Variants in BLM observed in about 807,000 individuals in gnomAD.
The protein encoded by BLM is BLM RecQ like helicase, also known as recQ-like DNA helicase BLM.
A neutral mutation model predicts 135.3 loss-of-function variants in BLM; 95 were observed. That is an observed-to-expected ratio of 0.70 (90% CI 0.59 to 0.83). The LOEUF (loss-of-function observed/expected upper bound fraction) is 0.83, where lower values mean the gene tolerates loss of function less well. Ranked by LOEUF, BLM falls within the 40% of genes least tolerant of loss-of-function variation. The probability of loss-of-function intolerance (pLI) is 0.00; values close to 1 mark genes in which losing one functional copy is unlikely to be tolerated. For synonymous variants in BLM, 520 were observed against 589.2 expected (o/e 0.88, Z 1.70); for missense variants, 1,518 against 1,663.9 (o/e 0.91, Z 1.53).
intron 1 of BLM, among the ~76,000 whole-genome samples, chr15:90,741,621 G>C (rs1358174313): frequency 1.3e-5 from 2 of 151,618 alleles, no homozygotes; most frequent in African/African-American, 2.4e-5. Flanking sequence ...AACTATGAAG[G>C]GTCTGAGATT....
In BLM at chr15:90,762,593, A is replaced by G. The variant is rs55917230; in HGVS notation, c.1883-373A>G. ...CCAAAAAAGAATGTCTACAGAGCCCAGTCCCAAATATCTGAAAGACTCCCT... is the reference window on the plus strand; with the variant it reads ...CCAAAAAAGAATGTCTACAGAGCCCGGTCCCAAATATCTGAAAGACTCCCT... On this transcript the variant is annotated intron_variant, in intron 7 of 21. Transcript: ENST00000355112. 4.6e-5 allele frequency among the ~76,000 whole-genome samples: 7 copies of G among 152,280 alleles called. No individual in the cohort carries two copies. In the East Asian group the frequency reaches 1.3e-3, roughly 29 times the overall value.
intron 3 of BLM, among the ~76,000 whole-genome samples, chr15:90,750,834 A>G (rs1895662301): frequency 6.6e-6 from 1 of 152,206 alleles, no homozygotes; most frequent in African/African-American, 2.4e-5. Context: ...TATGTATAGG[A>G]AAACACATAG....
Position 90,762,960 on chromosome 15 carries a change from T to C in BLM, c.1883-6T>C, listed in dbSNP as rs1596232042. The stretch of plus-strand genomic sequence containing the variant: ...TGATTTTTCTTAACGTTGATTATTT[T>C]CCTAGACAAGTCAGCACAAAATTTA... On this transcript the variant is annotated splice_polypyrimidine_tract_variant and splice_region_variant and intron_variant, in intron 7 of 21. Coordinates refer to ENST00000355112, the MANE Select transcript of BLM (RefSeq NM_000057.4). 6.2e-6 allele frequency: 10 copies of C among 1,612,532 alleles called. No homozygotes were observed. The highest frequency in any genetic ancestry group is 8.5e-6 in the Non-Finnish European group (10 of 1,179,250).
At chr15:90,745,642 C>T (rs964580544) in intron 1 of BLM, among the ~76,000 whole-genome samples, 1 of 152,168 alleles carries the variant, frequency 6.6e-6, no homozygotes, top group Non-Finnish European at 1.5e-5. Context: ...AACTCCTGGG[C>T]TCAAGCGATC....
rs74037394 is a variant in BLM at position 90,788,390 on chromosome 15, A to G, written c.2824-2259A>G. 2.9e-3 allele frequency among the ~76,000 whole-genome samples: 437 copies of G among 151,816 alleles called. 2 individuals carry two copies. Among genetic ancestry groups the G allele is most frequent in the African/African-American group, 9.9e-3 (409 of 41,380 alleles). ...AGATATGCAAAAAGTTTAGAAATAC[A>G]TCACTCATTTGTCTTCACTGAAATA... is the stretch of plus-strand genomic sequence containing the variant. On this transcript the variant is annotated intron_variant, in intron 14 of 21. Transcript: ENST00000355112.
Position 90,798,266 on chromosome 15 carries a change from G to T in BLM, c.3287G>T (p.Gly1096Val), listed in dbSNP as rs893352310. 3 of 1,612,038 alleles carry T rather than the reference G, an allele frequency of 1.9e-6. No individual in the cohort carries two copies. Among genetic ancestry groups the T allele is most frequent in the Admixed American group, 1.7e-5 (1 of 59,896 alleles). The change falls in exon 17 of 22, where the codon GGA (glycine) becomes GTA (valine). Residue 1096 changes from glycine (G) to valine (V), a missense_variant. Gly to Val is a moderately radical substitution (Grantham distance 109). Transcript: ENST00000355112. ...GTTCAAGAACATAGTTCATCACAAGGAATGAGAAATATAAAACATGTAGGT... is the reference window on the plus strand; with the variant it reads ...GTTCAAGAACATAGTTCATCACAAGTAATGAGAAATATAAAACATGTAGGT... ...RFVQEHSSSQGMRNIKHVGPS... is the reference protein window; with the variant it reads ...RFVQEHSSSQVMRNIKHVGPS...
At position 90,742,555 on chromosome 15, in the gene BLM, A is replaced by G. The variant is rs1055646920; in HGVS notation, c.-4-4834A>G. Among the ~76,000 whole-genome samples the G allele has an allele frequency of 1.3e-5, 2 of 149,234 alleles. 1 individual carries two copies. The highest frequency in any genetic ancestry group is 4.2e-4 in the South Asian group (2 of 4,730). On this transcript the variant is annotated intron_variant, in intron 1 of 21. Coordinates refer to ENST00000355112, the MANE Select transcript of BLM (RefSeq NM_000057.4). Reference sequence around the variant, plus strand: ...GTGTCACTTATTTCAAAGAAAAGGCACTCTTTTTTTCTGCTGTGTTTTTCT... The same window carrying G: ...GTGTCACTTATTTCAAAGAAAAGGCGCTCTTTTTTTCTGCTGTGTTTTTCT...
intron 13 of BLM, among the ~76,000 whole-genome samples, chr15:90,784,254 T>C (rs1219520428): frequency 6.6e-6 from 1 of 151,810 alleles, no homozygotes; most frequent in Non-Finnish European, 1.5e-5. Flanking sequence ...AGAAACTGAG[T>C]CAAAGGTATT....
intron 2 of BLM, among the ~76,000 whole-genome samples, chr15:90,748,212 G>A (rs1895560448): frequency 6.8e-6 from 1 of 146,958 alleles, no homozygotes; most frequent in Non-Finnish European, 1.5e-5. Flanking sequence ...GGGTTCAAGT[G>A]ATTCTCCTGC....
chr15:90,807,559 T>C (rs1396682597), intron 19 of BLM, among the ~76,000 whole-genome samples: 1 of 152,078 alleles, frequency 6.6e-6, no homozygotes, highest in Non-Finnish European at 1.5e-5. Context: ...ACCACCATGC[T>C]TGGCTAGCTT....
rs1444338168 is a variant in BLM at position 90,798,320 on chromosome 15, T to C, written c.3341T>C (p.Leu1114Pro). ...TCTGGAAGATTTACTATGAATATGCTGGTCGACATTTTCTTGGGTAAGTCA... is the reference window on the plus strand; with the variant it reads ...TCTGGAAGATTTACTATGAATATGCCGGTCGACATTTTCTTGGGTAAGTCA... The part of the protein sequence containing the change: ...GPSGRFTMNM[L>P]VDIFLGSKSA... Residue 1114 changes from leucine to proline, a missense_variant, in exon 17 of 22, where the codon CTG (leucine) becomes CCG (proline). Physicochemically the swap from Leu to Pro is moderately conservative, Grantham distance 98. Coordinates refer to ENST00000355112, the MANE Select transcript of BLM (RefSeq NM_000057.4). 10 of 1,613,182 alleles carry C rather than the reference T, an allele frequency of 6.2e-6. No individual in the cohort carries two copies. Among genetic ancestry groups the C allele is most frequent in the Non-Finnish European group, 8.5e-6 (10 of 1,179,586 alleles).
intron 12 of BLM, among the ~76,000 whole-genome samples, chr15:90,780,205 C>T (rs2151176168): frequency 6.6e-6 from 1 of 152,052 alleles, no homozygotes; most frequent in East Asian, 1.9e-4. Flanking sequence ...CTGCCTCAGC[C>T]TCCTGAGTAG....
chr15:90,760,534 T>C, intron 6 of BLM, 60 bp from the exon 7 acceptor site: 2 of 1,502,822 alleles, frequency 1.3e-6, no homozygotes, highest in Non-Finnish European at 9.1e-7. Context: ...AGATTTGCTT[T>C]TGTGGCCTAC....
intron 19 of BLM, chr15:90,808,643 G>A (rs1232012690): frequency 5.0e-6 from 1 of 200,734 alleles, no homozygotes; most frequent in African/African-American, 2.3e-5. Context: ...AACCCACATG[G>A]GGAAAGAGTG....
At chr15:90,755,310 T>C (rs1004573442) in intron 5 of BLM, 12 of 241,280 alleles carry the variant, frequency 5.0e-5, no homozygotes, top group Admixed American at 4.2e-4. Context: ...CTCATCATAA[T>C]AGAGTTTCCC....
chr15:90,792,945 G>T (rs1896940666), intron 15 of BLM, among the ~76,000 whole-genome samples: 1 of 150,570 alleles, frequency 6.6e-6, no homozygotes, highest in South Asian at 2.1e-4. Context: ...CTATATTAAA[G>T]CTAGGCCCAA....
At position 90,749,716 on chromosome 15, in the gene BLM, A is replaced by G. The variant is rs1567035400; in HGVS notation, c.448A>G (p.Thr150Ala). The G allele has an allele frequency of 6.2e-7, 1 of 1,614,168 alleles. No individual in the cohort carries two copies. Among genetic ancestry groups the G allele is most frequent in the Non-Finnish European group, 8.5e-7 (1 of 1,179,986 alleles). The change falls in exon 3 of 22, where the codon ACC becomes GCC. Residue 150 changes from threonine to alanine, a missense_variant. Physicochemically the swap from Thr to Ala is moderately conservative, Grantham distance 58. Around this residue, in one of 5 missense-constraint regions of BLM, gnomAD observed 724 missense variants for 756.9 expected, o/e 0.96. Transcript: ENST00000355112. ...EFSSSPDSLS[T>A]INDWDDMDDF... Reference sequence around the variant, plus strand: ...TAGTTCTTCACCAGATTCTTTAAGTACCATCAATGATTGGGATGATATGGA... The same window carrying G: ...TAGTTCTTCACCAGATTCTTTAAGTGCCATCAATGATTGGGATGATATGGA...
At chr15:90,777,932 T>A (rs1205785453) in intron 12 of BLM, among the ~76,000 whole-genome samples, 3 of 152,240 alleles carry the variant, frequency 2.0e-5, no homozygotes, top group Admixed American at 6.5e-5. Flanking sequence ...CAGTAAGTAC[T>A]TCATTCATTT....
intron 1 of BLM, among the ~76,000 whole-genome samples, chr15:90,736,823 A>G (rs1858878): frequency 0.035 from 5,289 of 152,272 alleles, 321 homozygotes; most frequent in African/African-American, 0.12. Context: ...ATGAGACTCT[A>G]ATGTCTGCTT....
Sources: allele counts gnomAD v4.1 joint callset (sites outside exome capture counted in the v4.1 genomes callset), GRCh38; gene constraint gnomAD v4.1.1; regional missense constraint gnomAD v4.1.1; transcripts MANE v1.5; gene names NCBI Gene and HGNC (gene_info 2026-07-23, HGNC 2026-07-21).